Variants in PAK1 observed in about 807,000 individuals in gnomAD.
The protein encoded by PAK1 is serine/threonine-protein kinase PAK 1.
Under a neutral mutation model 67.4 loss-of-function variants are expected in PAK1, and 29 were observed. The observed-to-expected ratio is 0.43, with a 90% confidence interval of 0.32 to 0.59. The LOEUF is 0.59. Among genes scored for constraint, PAK1 ranks in the 20% least tolerant of loss-of-function variants. The pLI is 0.07. For missense variants in PAK1, 337 were observed against 670.7 expected (o/e 0.50, Z 5.50); for synonymous variants, 223 against 237.4 (o/e 0.94, Z 0.56).
chr11:77,477,451 C>G (rs1958071097), upstream of PAK1, among the ~76,000 whole-genome samples: 2 of 150,544 alleles, frequency 1.3e-5, no homozygotes, highest in South Asian at 4.2e-4. Context: ...AGAGGCCAGA[C>G]CAGGTGCCTT....
the PAK1 span, among the ~76,000 whole-genome samples, chr11:77,523,195 C>T: frequency 4.6e-5 from 7 of 152,106 alleles, no homozygotes; most frequent in African/African-American, 7.2e-5. Flanking sequence ...ATGGAATAAA[C>T]GTGCACATGT....
chr11:77,355,284 T>A (rs1259788977), intron 7 of PAK1, among the ~76,000 whole-genome samples: 2 of 152,198 alleles, frequency 1.3e-5, no homozygotes, highest in African/African-American at 4.8e-5. Context: ...AGATGCGTCT[T>A]CTCCTAGGTC....
At position 77,410,769 on chromosome 11, in the gene PAK1, A is replaced by G. The variant is rs984669214; in HGVS notation, c.-21-18228T>C. On this transcript the variant is annotated intron_variant, in intron 1 of 14. Transcript: ENST00000356341. ...AGGAGAGGAAGACGTAGAGTCATGAAAAAACTAGGGGGAGGAAAGAGGTCC... is the reference window on the plus strand; with the variant it reads ...AGGAGAGGAAGACGTAGAGTCATGAGAAAACTAGGGGGAGGAAAGAGGTCC... Among the ~76,000 whole-genome samples, 4 of 152,030 alleles carry G rather than the reference A, an allele frequency of 2.6e-5. No homozygotes were observed. In the East Asian group the frequency reaches 7.7e-4, roughly 29 times the overall value.
At chr11:77,524,349 C>A in the PAK1 span, among the ~76,000 whole-genome samples, 2 of 152,160 alleles carry the variant, frequency 1.3e-5, no homozygotes, top group African/African-American at 4.8e-5. Flanking sequence ...AGAACATGCC[C>A]CCTGGAGTGT....
chr11:77,435,169 C>T (rs537472516), intron 1 of PAK1, among the ~76,000 whole-genome samples: 1 of 145,150 alleles, frequency 6.9e-6, no homozygotes, highest in Non-Finnish European at 1.5e-5. Context: ...AGAAAAAAAA[C>T]ACTGAATTGT....
chr11:77,519,037 A>G, the PAK1 span, among the ~76,000 whole-genome samples: 2 of 152,192 alleles, frequency 1.3e-5, no homozygotes, highest in Admixed American at 6.5e-5. Context: ...TGCATACACA[A>G]ATATTTTCTA....
intron 1 of PAK1, among the ~76,000 whole-genome samples, chr11:77,462,496 T>C (rs149825721): frequency 0.014 from 2,075 of 152,196 alleles, 18 homozygotes; most frequent in Non-Finnish European, 0.017. Context: ...TTTTTTTTTA[T>C]GTTCTTTGAA....
chr11:77,437,877 T>G lies in PAK1; in HGVS notation c.-22+35675A>C, dbSNP rs543408028. Among the ~76,000 whole-genome samples the G allele has an allele frequency of 5.9e-5, 9 of 152,304 alleles. 1 individual carries two copies. The South Asian group carries it at 1.9e-3, about 32-fold the overall frequency. On this transcript the variant is annotated intron_variant, in intron 1 of 14. Transcript: ENST00000356341. ...CAAGACTTAGAATGAGCAAGTAATC[T>G]ACAAAAGAATAGATATTCAATAGGA...
intron 4 of PAK1, among the ~76,000 whole-genome samples, chr11:77,377,414 T>G (rs965838534): frequency 1.3e-5 from 2 of 152,154 alleles, no homozygotes; most frequent in African/African-American, 4.8e-5. Flanking sequence ...GTCTTCAACT[T>G]ATAGAAAATT....
chr11:77,336,334 TCA>T, intron 12 of PAK1, 52 bp from the exon 13 acceptor site: 1 of 1,347,738 alleles, frequency 7.4e-7, no homozygotes, highest in Admixed American at 1.8e-5. Flanking sequence ...TACACTCACT[TCA>T]GTAAGTGTTG....
At chr11:77,510,371 A>C in the PAK1 span, among the ~76,000 whole-genome samples, 5 of 152,204 alleles carry the variant, frequency 3.3e-5, no homozygotes, top group African/African-American at 9.7e-5. Flanking sequence ...CTCTCAATAT[A>C]ATGCATGTGC....
At chr11:77,526,906 A>G in the PAK1 span, among the ~76,000 whole-genome samples, 2 of 147,676 alleles carry the variant, frequency 1.4e-5, no homozygotes, top group Admixed American at 6.9e-5. Context: ...ACAGAGTGAG[A>G]CTCCATCGCA....
Position 77,373,597 on chromosome 11 carries a change from T to C in PAK1, c.477+731A>G, listed in dbSNP as rs185810860. On this transcript the variant is annotated intron_variant, in intron 5 of 14. Transcript: ENST00000356341. The stretch of plus-strand genomic sequence containing the variant: ...AAAAAAAAAAAGCAGTATTCTCTTA[T>C]ATGCATCACATTTTACTATTTATAG... Among the ~76,000 whole-genome samples, 66 of 151,016 alleles carry C rather than the reference T, an allele frequency of 4.4e-4. 1 individual carries two copies. In the East Asian group the frequency reaches 0.012, roughly 28 times the overall value.
intron 2 of PAK1, among the ~76,000 whole-genome samples, chr11:77,380,416 C>T (rs1949662922): frequency 6.6e-6 from 1 of 152,048 alleles, no homozygotes; most frequent in African/African-American, 2.4e-5. Flanking sequence ...TCATTTGAGC[C>T]CAGGATGTAG....
intron 1 of PAK1, among the ~76,000 whole-genome samples, chr11:77,424,576 A>G (rs576411157): frequency 4.6e-5 from 7 of 152,348 alleles, no homozygotes; most frequent in African/African-American, 1.7e-4. Context: ...CTCCAGCATT[A>G]AATTCTGAGG....
chr11:77,412,079 G>A (rs566556618), intron 1 of PAK1: 6 of 152,370 alleles, frequency 3.9e-5, no homozygotes, highest in Admixed American at 2.6e-4. Flanking sequence ...TGAGGGCGGG[G>A]AGACAGCTAT....
chr11:77,349,285 G>GCA lies in PAK1; in HGVS notation c.837_838dup (p.Ala280ValfsTer23). On this transcript the variant is annotated frameshift_variant and splice_region_variant, in exon 9 of 15. Coordinates refer to ENST00000356341, the MANE Select transcript of PAK1 (RefSeq NM_002576.5). LOFTEE classifies it high-confidence loss of function. ...CATTGCTGTGTACACGGTGCCTGAA[G>GCA]CACTGAACAGTAAGGTGGCGGAGAA... The GCA allele has an allele frequency of 6.3e-7, 1 of 1,598,354 alleles. No individual in the cohort carries two copies. The highest frequency in any genetic ancestry group is 8.5e-7 in the Non-Finnish European group (1 of 1,171,248).
At chr11:77,347,048 A>G in intron 9 of PAK1, 1 of 456,300 alleles carries the variant, frequency 2.2e-6, no homozygotes, top group Non-Finnish European at 4.4e-6. Flanking sequence ...GACTGAGAGC[A>G]TCCCATGGAC....
At chr11:77,352,788 G>A in intron 8 of PAK1, among the ~76,000 whole-genome samples, 1 of 152,074 alleles carries the variant, frequency 6.6e-6, no homozygotes, top group Non-Finnish European at 1.5e-5. Flanking sequence ...GTAACATGCT[G>A]TACAGGCTTG....
Sources: gnomAD v4.1 joint callset for allele counts (sites outside exome capture counted in the v4.1 genomes callset) on GRCh38, gnomAD v4.1.1 for gene constraint, MANE v1.5 for transcripts, NCBI Gene and HGNC (gene_info 2026-07-23, HGNC 2026-07-21) for gene names.